Variants in CASK observed in about 807,000 individuals in gnomAD.
CASK encodes calcium/calmodulin dependent serine protein kinase.
CASK carries 4 observed loss-of-function variants against 82.9 expected under a neutral mutation model. That is an observed-to-expected ratio of 0.05 (90% CI 0.02 to 0.11). CASK has a LOEUF of 0.11. CASK is among the 10% of genes least tolerant of loss of function. The pLI, the probability that CASK is intolerant of heterozygous loss-of-function variation, is 1.00. For missense variants in CASK, 358 were observed against 720.9 expected (o/e 0.50, Z 5.76); for synonymous variants, 259 against 253.5 (o/e 1.02, Z -0.20).
At chrX:41,529,722 C>T (rs1336890092) in intron 25 of CASK, 1 of 112,261 alleles carries the variant, frequency 8.9e-6, no homozygotes, top group African/African-American at 3.2e-5. Flanking sequence ...CTATATAGGT[C>T]CAAGTTAATT....
intron 25 of CASK, chrX:41,524,407 C>G (rs2064681603): frequency 1.1e-5 from 2 of 178,940 alleles, no homozygotes; most frequent in Non-Finnish European, 2.1e-5. Flanking sequence ...TTGGACCTGC[C>G]GGCTGGTTTT....
chrX:41,685,452 C>T (rs1382230181), intron 5 of CASK, among the ~76,000 whole-genome samples: 2 of 111,586 alleles, frequency 1.8e-5, no homozygotes, highest in African/African-American at 6.5e-5. Context: ...CATAGTAGTA[C>T]CTAGAGCTTT....
intron 8 of CASK, among the ~76,000 whole-genome samples, chrX:41,642,069 A>G (rs1299046979): frequency 1.8e-5 from 2 of 110,977 alleles, no homozygotes; most frequent in Admixed American, 1.9e-4. Context: ...TGCAAAGGAC[A>G]TGAACTCACC....
chrX:41,614,357 AAAAATAAAAT>A (rs921446393), intron 11 of CASK, among the ~76,000 whole-genome samples: 1 of 112,047 alleles, frequency 8.9e-6, no homozygotes, highest in Non-Finnish European at 1.9e-5. Flanking sequence ...CTAAAAATTA[AAAAATAAAAT>A]AAAATAAAAT....
intron 5 of CASK, among the ~76,000 whole-genome samples, chrX:41,680,408 G>GT (rs2067332558): frequency 1.8e-5 from 2 of 109,333 alleles, no homozygotes; most frequent in Non-Finnish European, 3.8e-5. Flanking sequence ...CTTGAACCCA[G>GT]GAGGCGGAGG....
chrX:41,620,135 T>C (rs2066265272), intron 11 of CASK, among the ~76,000 whole-genome samples: 1 of 112,287 alleles, frequency 8.9e-6, no homozygotes, highest in African/African-American at 3.2e-5. Flanking sequence ...TTTTTTTAAA[T>C]AGTACAAACT....
chrX:41,691,353 T>C (rs1258056335), intron 5 of CASK, among the ~76,000 whole-genome samples: 1 of 112,239 alleles, frequency 8.9e-6, no homozygotes, highest in Non-Finnish European at 1.9e-5. Flanking sequence ...ATAAGATTAA[T>C]ACCCTTTCCA....
rs374470307 is a variant in CASK at position 41,578,305 on chromosome X, T to C, written c.1503+35A>G. The C allele has an allele frequency of 3.2e-5, 33 of 1,043,729 alleles. No homozygotes were observed. In the African/African-American group the frequency reaches 6.1e-4, roughly 19 times the overall value. The allele number at this position is 1,043,729 out of a possible 1,213,427, so 86.0% of individuals were successfully genotyped here. A position where few individuals can be genotyped will look rare whatever the true frequency, so the allele number is the denominator to read the frequency against. Reference sequence around the variant, plus strand: ...GTTGATATAACTCATGCTGGGATCTTATGAGAGTATTGAAAACTTTCTCTT... The same window carrying C: ...GTTGATATAACTCATGCTGGGATCTCATGAGAGTATTGAAAACTTTCTCTT... On this transcript the variant is annotated intron_variant, in intron 15 of 26. Coordinates refer to ENST00000378163, the MANE Select transcript of CASK (RefSeq NM_001367721.1).
At chrX:41,875,904 C>T (rs2071808119) in intron 1 of CASK, among the ~76,000 whole-genome samples, 3 of 111,414 alleles carry the variant, frequency 2.7e-5, no homozygotes, top group South Asian at 3.8e-4. Context: ...AAGGAGCTGG[C>T]TTAGTGGAAC....
At chrX:41,636,438 T>C in intron 9 of CASK, 140 bp downstream of exon 9, 1 of 477,329 alleles carries the variant, frequency 2.1e-6, no homozygotes, top group Non-Finnish European at 3.7e-6. Context: ...ATTGAAGTGG[T>C]GGTAATTTTT....
chrX:41,794,085 C>T (rs1451614111), intron 2 of CASK, among the ~76,000 whole-genome samples: 1 of 112,124 alleles, frequency 8.9e-6, no homozygotes, highest in Non-Finnish European at 1.9e-5. Flanking sequence ...ACATGTTTCA[C>T]TACTAGCTCT....
intron 2 of CASK, among the ~76,000 whole-genome samples, chrX:41,819,255 T>C (rs2070480492): frequency 9.0e-6 from 1 of 111,100 alleles, no homozygotes; most frequent in Non-Finnish European, 1.9e-5. Flanking sequence ...ACAAAAGTTA[T>C]CAATATCAGC....
chrX:41,744,619 C>T (rs1401803040), intron 4 of CASK, among the ~76,000 whole-genome samples: 1 of 111,685 alleles, frequency 9.0e-6, no homozygotes, highest in Non-Finnish European at 1.9e-5. Flanking sequence ...GCTGGGATTA[C>T]AGGCATGAGC....
chrX:41,760,278 G>C (rs772434299), intron 3 of CASK, among the ~76,000 whole-genome samples: 7 of 111,628 alleles, frequency 6.3e-5, no homozygotes, highest in Non-Finnish European at 1.3e-4. Flanking sequence ...TGAGGGGGAG[G>C]GACCTCCAGA....
At chrX:41,920,509 G>T (rs1461043515) in intron 1 of CASK, among the ~76,000 whole-genome samples, 1 of 111,745 alleles carries the variant, frequency 8.9e-6, no homozygotes, top group African/African-American at 3.3e-5. Flanking sequence ...AATTGGCACT[G>T]ACCAAGTCAG....
chrX:41,811,996 G>A (rs1357540036), intron 2 of CASK, among the ~76,000 whole-genome samples: 1 of 111,625 alleles, frequency 9.0e-6, no homozygotes, highest in Non-Finnish European at 1.9e-5. Flanking sequence ...TAGAAGAAAT[G>A]GATAAATTCC....
At chrX:41,888,068 T>C (rs949203383) in intron 1 of CASK, among the ~76,000 whole-genome samples, 2 of 111,627 alleles carry the variant, frequency 1.8e-5, no homozygotes, top group Non-Finnish European at 1.9e-5. Flanking sequence ...CATCTGCCAA[T>C]AGATCATAAG....
chrX:41,849,224 A>G (rs898183740), intron 2 of CASK, among the ~76,000 whole-genome samples: 3 of 112,121 alleles, frequency 2.7e-5, no homozygotes, highest in Non-Finnish European at 5.6e-5. Context: ...TCAAGAACTC[A>G]GAACTTTGAT....
Position 41,534,785 on chromosome X carries a change from G to A in CASK, c.2238C>T (p.Gly746=), listed in dbSNP as rs768971824. ...AFKRKTLVLL[G]AHGVGRRHIK... ...TGTGTCTTCTCCCAACACCATGTGC[G>A]CCTATGTCATTTAGAAAAAAAGAAT... The change falls in exon 24 of 27, where the codon GGC becomes GGT. Residue 746 remains glycine (G), a splice_region_variant and synonymous_variant. Coordinates refer to ENST00000378163, the MANE Select transcript of CASK (RefSeq NM_001367721.1). 20 of 1,197,850 alleles carry A rather than the reference G, an allele frequency of 1.7e-5. No individual in the cohort carries two copies. In the South Asian group the frequency reaches 1.9e-4, roughly 12 times the overall value.
Sources: gnomAD v4.1 joint callset for allele counts (sites outside exome capture counted in the v4.1 genomes callset) on GRCh38, gnomAD v4.1.1 for gene constraint, MANE v1.5 for transcripts, NCBI Gene and HGNC (gene_info 2026-07-23, HGNC 2026-07-21) for gene names.